The following GRAMD4 variants were observed in gnomAD, a reference collection of about 807,000 sequenced individuals.
GRAMD4 encodes GRAM domain-containing protein 4.
GRAMD4 carries 25 observed loss-of-function variants against 83.9 expected under a neutral mutation model. The ratio of observed to expected loss-of-function variants is 0.30; its 90% CI spans 0.22 to 0.42. GRAMD4 has a LOEUF of 0.42. GRAMD4 is among the 10% of genes least tolerant of loss of function. The pLI is 1.00. For synonymous variants in GRAMD4, 336 were observed against 320.9 expected (o/e 1.05, Z -0.50); for missense variants, 593 against 788.7 (o/e 0.75, Z 2.97).
intron 1 of GRAMD4, among the ~76,000 whole-genome samples, chr22:46,579,400 G>C (rs1393081899): frequency 6.6e-6 from 1 of 152,218 alleles, no homozygotes; most frequent in Admixed American, 6.5e-5. Context: ...TTCTGCTGTA[G>C]AATAGAATAG....
downstream of GRAMD4, among the ~76,000 whole-genome samples, chr22:46,681,697 G>T (rs528858418): frequency 6.6e-6 from 1 of 152,322 alleles, no homozygotes; most frequent in East Asian, 1.9e-4. Flanking sequence ...AGAGGGGAAT[G>T]AAATTGTTAA....
In GRAMD4 at chr22:46,679,754, T is replaced by G. The variant is rs576807552; in HGVS notation, c.*2503T>G. The G allele has an allele frequency of 1.0e-6, 1 of 976,868 alleles. No individual in the cohort carries two copies. Among genetic ancestry groups the G allele is most frequent in the East Asian group, 1.1e-4 (1 of 8,770 alleles). The allele number at this position is 976,868 out of a possible 1,614,324, so 60.5% of individuals were successfully genotyped here. A position where few individuals can be genotyped will look rare whatever the true frequency, so the allele number is the denominator to read the frequency against. ...AAAGTATTGTATAAATTATAATTTT[T>G]ATTTAAATAAACCTAAAATGCTTTG... is the stretch of plus-strand genomic sequence containing the variant. On this transcript the variant is annotated 3_prime_UTR_variant, in exon 19 of 19. Coordinates refer to ENST00000406902, the MANE Select transcript of GRAMD4 (RefSeq NM_015124.5).
At chr22:46,605,782 GCA>G in intron 1 of GRAMD4, among the ~76,000 whole-genome samples, 1 of 149,440 alleles carries the variant, frequency 6.7e-6, no homozygotes, top group Non-Finnish European at 1.5e-5. Context: ...GAGCATCTCT[GCA>G]TGGGCCTATG....
intron 3 of GRAMD4, among the ~76,000 whole-genome samples, chr22:46,646,643 G>T (rs1005425220): frequency 9.9e-5 from 15 of 152,212 alleles, no homozygotes; most frequent in Non-Finnish European, 2.1e-4. Context: ...GGTTGACTCA[G>T]TGTCCCTGGA....
intron 1 of GRAMD4, among the ~76,000 whole-genome samples, chr22:46,587,664 C>G (rs2081163983): frequency 6.6e-6 from 1 of 151,962 alleles, no homozygotes. Flanking sequence ...CTGTCCTGTC[C>G]TGTGGGAGAA....
chr22:46,638,137 G>A (rs1052511901), intron 3 of GRAMD4, among the ~76,000 whole-genome samples, 177 bp downstream of exon 3: 1 of 152,212 alleles, frequency 6.6e-6, no homozygotes, highest in African/African-American at 2.4e-5. Flanking sequence ...GGGTGGTCCC[G>A]GCACAGCCTC....
At chr22:46,669,740 T>TA (rs2082473321) in intron 13 of GRAMD4, among the ~76,000 whole-genome samples, 1 of 152,014 alleles carries the variant, frequency 6.6e-6, no homozygotes, top group Non-Finnish European at 1.5e-5. Context: ...CACGCCCAGC[T>TA]AATTTTTTTT....
intron 1 of GRAMD4, among the ~76,000 whole-genome samples, chr22:46,611,684 A>T (rs977395566): frequency 3.3e-5 from 5 of 151,736 alleles, no homozygotes; most frequent in Non-Finnish European, 5.9e-5. Context: ...TATTTTTATT[A>T]ATTTATTTTT....
intron 2 of GRAMD4, among the ~76,000 whole-genome samples, chr22:46,633,538 C>T (rs369078102): frequency 5.9e-5 from 9 of 152,196 alleles, no homozygotes; most frequent in African/African-American, 2.2e-4. Context: ...TGCTCCTGGC[C>T]CGGGAGCCCA....
At position 46,655,789 on chromosome 22, in the gene GRAMD4, C is replaced by T. The variant is rs561600736; in HGVS notation, c.284-2398C>T. Among the ~76,000 whole-genome samples the T allele has an allele frequency of 9.2e-5, 14 of 152,364 alleles. No homozygotes were observed. In the South Asian group the frequency reaches 2.9e-3, roughly 32 times the overall value. On this transcript the variant is annotated intron_variant, in intron 3 of 18. Coordinates refer to ENST00000406902, the MANE Select transcript of GRAMD4 (RefSeq NM_015124.5). ...AAGGCCCTAGGCAGAGGCCACCTGC[C>T]TCCCTTCTGACCCCGCCTTTGCTCA...
In GRAMD4 at chr22:46,677,891, G is replaced by C. The variant is rs2082622652; in HGVS notation, c.*640G>C. On this transcript the variant is annotated 3_prime_UTR_variant, in exon 19 of 19. Coordinates refer to ENST00000406902, the MANE Select transcript of GRAMD4 (RefSeq NM_015124.5). Reference sequence around the variant, plus strand: ...TCCACGGGAACAGAGAGGGTGAGAAGGGCCCACCCCTCGCCTGCCCTCAGT... The same window carrying C: ...TCCACGGGAACAGAGAGGGTGAGAACGGCCCACCCCTCGCCTGCCCTCAGT... 1 of 985,086 alleles carries C rather than the reference G, an allele frequency of 1.0e-6. No homozygotes were observed. The highest frequency in any genetic ancestry group is 1.2e-6 in the Non-Finnish European group (1 of 829,672). The allele number at this position is 985,086 out of a possible 1,614,324, so 61.0% of individuals were successfully genotyped here.
upstream of GRAMD4, among the ~76,000 whole-genome samples, chr22:46,617,579 C>G (rs75367155): frequency 4.7e-3 from 722 of 152,248 alleles, 3 homozygotes; most frequent in African/African-American, 0.015. Context: ...CATTAACCAG[C>G]TCCTTCCTCC....
intron 2 of GRAMD4, among the ~76,000 whole-genome samples, chr22:46,630,376 T>G (rs73176513): frequency 0.011 from 1,747 of 152,284 alleles, 25 homozygotes; most frequent in Non-Finnish European, 0.016. Flanking sequence ...GTTCCATTCT[T>G]GGACTGTGAT....
intron 1 of GRAMD4, among the ~76,000 whole-genome samples, chr22:46,605,066 ATGT>A (rs1011865951): frequency 8.2e-6 from 1 of 121,226 alleles, no homozygotes; most frequent in Non-Finnish European, 1.7e-5. Context: ...TGGTGCCATA[ATGT>A]TGTCTGGGTT....
intron 3 of GRAMD4, among the ~76,000 whole-genome samples, chr22:46,649,029 A>G (rs1601632458): frequency 6.6e-6 from 1 of 152,112 alleles, no homozygotes; most frequent in East Asian, 1.9e-4. Flanking sequence ...CACCAGGCAT[A>G]CTCTTTTGCA....
At chr22:46,598,726 A>G (rs1035216045) in intron 1 of GRAMD4, among the ~76,000 whole-genome samples, 2 of 151,640 alleles carry the variant, frequency 1.3e-5, no homozygotes, top group African/African-American at 2.4e-5. Flanking sequence ...TTGAGGGCCA[A>G]GTATACCCGA....
chr22:46,576,408 G>A (rs1044156810), upstream of GRAMD4, among the ~76,000 whole-genome samples: 2 of 152,176 alleles, frequency 1.3e-5, no homozygotes, highest in Non-Finnish European at 2.9e-5. Flanking sequence ...TCCAAAACCC[G>A]GGGATAGGTG....
chr22:46,608,858 A>T (rs1026658223), intron 1 of GRAMD4, among the ~76,000 whole-genome samples: 4 of 152,216 alleles, frequency 2.6e-5, no homozygotes, highest in African/African-American at 7.2e-5. Context: ...AAAATTTTTT[A>T]AAAATTAGCT....
intron 3 of GRAMD4, among the ~76,000 whole-genome samples, chr22:46,648,686 T>TGATGGATGGATGGATG (rs2082108606): frequency 7.0e-6 from 1 of 142,070 alleles, no homozygotes; most frequent in African/African-American, 2.8e-5. Context: ...GGTAAATGAT[T>TGATGGATGGATGGATG]GATGGATGGA....
Sources: gnomAD v4.1 joint callset for allele counts (sites outside exome capture counted in the v4.1 genomes callset) on GRCh38, gnomAD v4.1.1 for gene constraint, MANE v1.5 for transcripts, NCBI Gene and HGNC (gene_info 2026-07-23, HGNC 2026-07-21) for gene names.